Variants in BBS9 observed in about 807,000 individuals in gnomAD.
The protein encoded by BBS9 is protein PTHB1.
In BBS9, 89 loss-of-function variants were observed where a neutral mutation model predicts 117.7. The ratio of observed to expected loss-of-function variants is 0.76; its 90% CI spans 0.64 to 0.90. The LOEUF (loss-of-function observed/expected upper bound fraction) is 0.90. BBS9 is among the 40% of genes least tolerant of loss of function. BBS9 has a pLI of 0.00. For synonymous variants in BBS9, 379 were observed against 370.9 expected, an observed-to-expected ratio of 1.02 and a Z score of -0.25; for missense variants, 982 against 1,042.2, an observed-to-expected ratio of 0.94 and a Z score of 0.80.
chr7:33,463,105 G>A (rs1229910442), intron 19 of BBS9, among the ~76,000 whole-genome samples: 1 of 152,060 alleles, frequency 6.6e-6, no homozygotes, highest in Non-Finnish European at 1.5e-5. Flanking sequence ...GATGAGATTT[G>A]CCAAGACTTT....
At chr7:33,403,783 C>T (rs928685968) in intron 19 of BBS9, among the ~76,000 whole-genome samples, 2 of 152,034 alleles carry the variant, frequency 1.3e-5, no homozygotes, top group African/African-American at 4.8e-5. Context: ...CATACGTGTG[C>T]ATGTGTCTTT....
chr7:33,556,002 C>A (rs1203080023), intron 21 of BBS9, among the ~76,000 whole-genome samples: 1 of 152,068 alleles, frequency 6.6e-6, no homozygotes, highest in Non-Finnish European at 1.5e-5. Context: ...CATGTGGGTA[C>A]AAAATACATG....
At chr7:33,516,156 C>T (rs142899814) in intron 20 of BBS9, among the ~76,000 whole-genome samples, 1 of 152,252 alleles carries the variant, frequency 6.6e-6, no homozygotes, top group Non-Finnish European at 1.5e-5. Context: ...GTATAAGACA[C>T]AACCCTACTT....
intron 9 of BBS9, among the ~76,000 whole-genome samples, chr7:33,305,628 A>T (rs1807736869): frequency 6.6e-6 from 1 of 152,134 alleles, no homozygotes; most frequent in Non-Finnish European, 1.5e-5. Flanking sequence ...CTCATGGTTC[A>T]ATCTTGATAG....
intron 12 of BBS9, chr7:33,346,391 G>A (rs535012268): frequency 4.6e-5 from 15 of 328,350 alleles, no homozygotes; most frequent in African/African-American, 2.4e-4. Context: ...GTTCATACCT[G>A]GCCTCTGGTG....
intron 19 of BBS9, among the ~76,000 whole-genome samples, chr7:33,453,800 A>G (rs1838245207): frequency 6.6e-6 from 1 of 152,186 alleles, no homozygotes; most frequent in African/African-American, 2.4e-5. Flanking sequence ...GATTACAGGC[A>G]TGAGCCACCT....
chr7:33,521,474 A>G (rs1848583983), intron 20 of BBS9, among the ~76,000 whole-genome samples: 1 of 152,216 alleles, frequency 6.6e-6, no homozygotes, highest in African/African-American at 2.4e-5. Flanking sequence ...GTGAGTTGTG[A>G]CAAAGATACG....
chr7:33,529,534 G>A (rs987048718), intron 20 of BBS9, among the ~76,000 whole-genome samples: 1 of 152,064 alleles, frequency 6.6e-6, no homozygotes, highest in Non-Finnish European at 1.5e-5. Flanking sequence ...TTCCAATAAC[G>A]ACAAGGGCTG....
intron 21 of BBS9, among the ~76,000 whole-genome samples, chr7:33,592,894 C>G (rs1221930446): frequency 6.6e-6 from 1 of 152,084 alleles, no homozygotes; most frequent in Non-Finnish European, 1.5e-5. Context: ...TATGCTCTTA[C>G]TATTTCATTT....
At chr7:33,457,629 C>T (rs754702079) in intron 19 of BBS9, among the ~76,000 whole-genome samples, 1 of 152,042 alleles carries the variant, frequency 6.6e-6, no homozygotes, top group Non-Finnish European at 1.5e-5. Flanking sequence ...ATATGGAAAA[C>T]ATGTATGGTA....
intron 5 of BBS9, among the ~76,000 whole-genome samples, chr7:33,205,171 A>G (rs1786667499): frequency 6.6e-6 from 1 of 152,148 alleles, no homozygotes; most frequent in Non-Finnish European, 1.5e-5. Flanking sequence ...TATCACCCCT[A>G]TGTGGTGGAG....
intron 5 of BBS9, among the ~76,000 whole-genome samples, chr7:33,192,629 C>T (rs532045434): frequency 2.0e-5 from 3 of 152,292 alleles, no homozygotes; most frequent in South Asian, 4.1e-4. Context: ...TTTCCTGACA[C>T]GTAGTAGTGT....
chr7:33,227,073 A>T (rs1344183406), intron 5 of BBS9, among the ~76,000 whole-genome samples: 1 of 152,190 alleles, frequency 6.6e-6, no homozygotes, highest in Non-Finnish European at 1.5e-5. Flanking sequence ...ACCACATAGC[A>T]CCAAAAAAGA....
chr7:33,507,876 G>A (rs1846370179), intron 20 of BBS9, among the ~76,000 whole-genome samples: 1 of 152,146 alleles, frequency 6.6e-6, no homozygotes, highest in African/African-American at 2.4e-5. Context: ...CGTACTAAAA[G>A]CAAAGCTTTT....
intron 21 of BBS9, among the ~76,000 whole-genome samples, chr7:33,568,154 A>G (rs1407928616): frequency 2.0e-5 from 3 of 152,070 alleles, no homozygotes; most frequent in Non-Finnish European, 2.9e-5. Context: ...TGATTTCATC[A>G]TTGCTTTCTT....
At chr7:33,354,474 T>A (rs1327177861) in intron 15 of BBS9, among the ~76,000 whole-genome samples, 1 of 152,132 alleles carries the variant, frequency 6.6e-6, no homozygotes, top group Admixed American at 6.6e-5. Flanking sequence ...TGAAGCACAG[T>A]ACGTAGCCAG....
intron 21 of BBS9, among the ~76,000 whole-genome samples, chr7:33,632,300 T>G (rs1029531110): frequency 3.3e-5 from 5 of 152,362 alleles, no homozygotes; most frequent in East Asian, 3.9e-4. Flanking sequence ...ATGTTCACTC[T>G]TCAATGTTCC....
intron 5 of BBS9, among the ~76,000 whole-genome samples, chr7:33,256,415 G>T (rs945971269): frequency 6.6e-6 from 1 of 152,080 alleles, no homozygotes; most frequent in African/African-American, 2.4e-5. Flanking sequence ...TAAATCTATT[G>T]TATCAGTTGA....
chr7:33,430,411 T>C (rs971603356), intron 19 of BBS9, among the ~76,000 whole-genome samples: 6 of 152,254 alleles, frequency 3.9e-5, no homozygotes, highest in Non-Finnish European at 7.3e-5. Context: ...AGCAGCTTTT[T>C]TCTTGTTCTC....
Sources: gnomAD v4.1 joint callset for allele counts (sites outside exome capture counted in the v4.1 genomes callset) on GRCh38, gnomAD v4.1.1 for gene constraint, MANE v1.5 for transcripts, NCBI Gene and HGNC (gene_info 2026-07-23, HGNC 2026-07-21) for gene names.